The following PPP2R2C variants were observed in gnomAD, a reference collection of about 807,000 sequenced individuals.
PPP2R2C encodes protein phosphatase 2, regulatory subunit B, gamma.
A neutral mutation model predicts 45.3 loss-of-function variants in PPP2R2C; 10 were observed. The observed-to-expected ratio is 0.22, with a 90% CI of 0.14 to 0.37. The LOEUF (loss-of-function observed/expected upper bound fraction) is 0.37, where lower values mean the gene tolerates loss of function less well. Ranked by LOEUF, PPP2R2C falls within the 10% of genes least tolerant of loss-of-function variation. PPP2R2C has a pLI of 1.00. For missense variants in PPP2R2C, 308 were observed against 619.7 expected (o/e 0.50, Z 5.34); for synonymous variants, 257 against 245.4 (o/e 1.05, Z -0.44).
chr4:6,505,136 G>A (rs1250008449), intron 2 of PPP2R2C, among the ~76,000 whole-genome samples: 2 of 151,160 alleles, frequency 1.3e-5, no homozygotes, highest in Non-Finnish European at 2.9e-5. Flanking sequence ...CCAGAAGGCG[G>A]TGGGATGACA....
chr4:6,369,760 A>T (rs1027640419), intron 5 of PPP2R2C, among the ~76,000 whole-genome samples: 4 of 152,112 alleles, frequency 2.6e-5, no homozygotes, highest in African/African-American at 9.7e-5. Flanking sequence ...CCCCCACAGC[A>T]GCTTGTCCAG....
At chr4:6,515,140 A>T (rs1723790168) in intron 2 of PPP2R2C, among the ~76,000 whole-genome samples, 1 of 152,184 alleles carries the variant, frequency 6.6e-6, no homozygotes, top group Non-Finnish European at 1.5e-5. Flanking sequence ...TCCACCCACA[A>T]CAGGATGCTA....
chr4:6,518,118 C>T (rs962025023), intron 2 of PPP2R2C, among the ~76,000 whole-genome samples: 1 of 152,078 alleles, frequency 6.6e-6, no homozygotes, highest in Non-Finnish European at 1.5e-5. Context: ...AAAATGAAAA[C>T]ACAACTTATC....
chr4:6,415,524 AG>A (rs554471531), intron 1 of PPP2R2C, among the ~76,000 whole-genome samples: 1 of 152,320 alleles, frequency 6.6e-6, no homozygotes, highest in East Asian at 1.9e-4. Context: ...ATCCAGGCCG[AG>A]GGGAACCTCA....
intron 6 of PPP2R2C, 36 bp from the exon 7 acceptor site, chr4:6,333,767 T>A: frequency 6.2e-7 from 1 of 1,611,560 alleles, no homozygotes; most frequent in Non-Finnish European, 8.5e-7. Context: ...GTCACTGCGC[T>A]GCTCCCGCCC....
intron 1 of PPP2R2C, among the ~76,000 whole-genome samples, chr4:6,558,646 T>C (rs886067115): frequency 6.6e-6 from 1 of 152,130 alleles, no homozygotes; most frequent in Admixed American, 6.5e-5. Context: ...AACTACACAA[T>C]GGAAGAGGCT....
chr4:6,394,707 G>A (rs1027450742), intron 1 of PPP2R2C, among the ~76,000 whole-genome samples: 6 of 152,242 alleles, frequency 3.9e-5, no homozygotes, highest in Non-Finnish European at 2.9e-5. Flanking sequence ...GGGCCAGATG[G>A]CCTGGCTGGC....
chr4:6,427,005 G>A (rs1432770810), intron 1 of PPP2R2C, among the ~76,000 whole-genome samples: 1 of 152,220 alleles, frequency 6.6e-6, no homozygotes, highest in East Asian at 1.9e-4. Context: ...GATGGAAGCG[G>A]CCACATACCA....
intron 1 of PPP2R2C, among the ~76,000 whole-genome samples, chr4:6,392,427 A>G (rs972619218): frequency 2.0e-5 from 3 of 151,978 alleles, no homozygotes; most frequent in Non-Finnish European, 4.4e-5. Flanking sequence ...ATAGTATGGT[A>G]AATGGCATGG....
chr4:6,377,874 C>G (rs1220977200), intron 3 of PPP2R2C, among the ~76,000 whole-genome samples: 2 of 152,174 alleles, frequency 1.3e-5, no homozygotes, highest in Non-Finnish European at 2.9e-5. Flanking sequence ...GGGGTACATG[C>G]TCCTCCCTGA....
intron 1 of PPP2R2C, among the ~76,000 whole-genome samples, chr4:6,467,138 A>C (rs964388161): frequency 6.6e-6 from 1 of 152,228 alleles, no homozygotes; most frequent in Non-Finnish European, 1.5e-5. Flanking sequence ...AAGCTTATGT[A>C]AGTGGCGTTT....
At chr4:6,395,045 C>T (rs912756259) in intron 1 of PPP2R2C, among the ~76,000 whole-genome samples, 3 of 152,144 alleles carry the variant, frequency 2.0e-5, no homozygotes, top group Non-Finnish European at 4.4e-5. Context: ...ACCTCTCACC[C>T]GCGAGCCTGC....
chr4:6,330,890 G>T lies in PPP2R2C; in HGVS notation c.961-1537C>A, dbSNP rs1173809655. 6.6e-6 allele frequency among the ~76,000 whole-genome samples: 1 copy of T among 151,652 alleles called. No individual in the cohort carries two copies. The highest frequency in any genetic ancestry group is 1.5e-5 in the Non-Finnish European group (1 of 67,894). ...CCCTCCCCAGCCCCCGTGTCCTCCT[G>T]GTGACCCTTGCCTTCCCCTTGGGCC... On this transcript the variant is annotated intron_variant, in intron 7 of 8. Coordinates refer to ENST00000382599, the MANE Select transcript of PPP2R2C (RefSeq NM_020416.4). The surrounding 1 kb of genome is among the most constrained non-coding windows in gnomAD (Gnocchi z 7.0).
intron 1 of PPP2R2C, among the ~76,000 whole-genome samples, chr4:6,425,819 G>GTGTA (rs1289362620): frequency 6.6e-6 from 1 of 151,640 alleles, no homozygotes; most frequent in Non-Finnish European, 1.5e-5. Flanking sequence ...TTGGCTGTGT[G>GTGTA]TGTGTGTGTG....
intron 1 of PPP2R2C, among the ~76,000 whole-genome samples, chr4:6,559,410 C>A (rs951447868): frequency 2.0e-5 from 3 of 148,656 alleles, no homozygotes; most frequent in Admixed American, 6.6e-5. Context: ...CACACACACA[C>A]ACACACACAC....
intron 1 of PPP2R2C, among the ~76,000 whole-genome samples, chr4:6,402,595 G>C (rs1440507820): frequency 1.3e-5 from 2 of 152,204 alleles, no homozygotes; most frequent in African/African-American, 4.8e-5. Context: ...GAGTAGGTGG[G>C]ACATGGAGCG....
chr4:6,431,142 G>A (rs780984529), intron 1 of PPP2R2C, among the ~76,000 whole-genome samples: 2 of 152,200 alleles, frequency 1.3e-5, no homozygotes, highest in East Asian at 1.9e-4. Flanking sequence ...GGGACGAGCC[G>A]CCTGAGGAGG....
In PPP2R2C at chr4:6,321,972, G is replaced by A. The variant is rs1376945266; in HGVS notation, c.*1330C>T. 1.3e-5 allele frequency: 2 copies of A among 152,164 alleles called. No individual in the cohort carries two copies. The highest frequency in any genetic ancestry group is 2.9e-5 in the Non-Finnish European group (2 of 68,052). The allele number at this position is 152,164 out of a possible 1,614,324, so 9.4% of individuals were successfully genotyped here. On this transcript the variant is annotated 3_prime_UTR_variant, in exon 9 of 9. Coordinates refer to ENST00000382599, the MANE Select transcript of PPP2R2C (RefSeq NM_020416.4). ...AGGCAGTTCAGTGCATTGGCTCAAG[G>A]AGGGTGCAAGCCCAGGATGAAGTGG...
chr4:6,410,637 T>G (rs931831778), intron 1 of PPP2R2C, among the ~76,000 whole-genome samples: 7 of 151,982 alleles, frequency 4.6e-5, no homozygotes, highest in African/African-American at 1.7e-4. Context: ...TGAGGGGGTG[T>G]GGCTGGACGT....
Sources: gnomAD v4.1 joint callset for allele counts (sites outside exome capture counted in the v4.1 genomes callset) on GRCh38, gnomAD v4.1.1 for gene constraint, Gnocchi (gnomAD v3.1) non-coding constraint, MANE v1.5 for transcripts, NCBI Gene and HGNC (gene_info 2026-07-23, HGNC 2026-07-21) for gene names.